Variants in USP34 observed in about 807,000 individuals in gnomAD.
The protein encoded by USP34 is ubiquitin specific peptidase 34, also known as ubiquitin carboxyl-terminal hydrolase 34.
A neutral mutation model predicts 460.3 loss-of-function variants in USP34; 70 were observed. The ratio of observed to expected loss-of-function variants is 0.15; its 90% CI spans 0.13 to 0.19. USP34 has a LOEUF of 0.19. USP34 is among the 10% of genes least tolerant of loss of function. The probability of loss-of-function intolerance (pLI) is 1.00; values close to 1 mark genes in which losing one functional copy is unlikely to be tolerated. For synonymous variants in USP34, 1,647 were observed against 1,405.3 expected (o/e 1.17, Z -3.85); for missense variants, 3,985 against 4,236.2 (o/e 0.94, Z 1.65).
chr2:61,468,765 A>C (rs77234474), intron 1 of USP34, among the ~76,000 whole-genome samples: 2,055 of 152,318 alleles, frequency 0.013, 20 homozygotes, highest in Non-Finnish European at 0.021. Context: ...AATGCACTGC[A>C]TTTTTCAGTG....
intron 1 of USP34, among the ~76,000 whole-genome samples, chr2:61,432,449 C>A (rs995650310): frequency 1.3e-5 from 2 of 152,088 alleles, no homozygotes; most frequent in Non-Finnish European, 2.9e-5. Flanking sequence ...TGCACTCCAG[C>A]CTGGGTGACA....
intron 3 of USP34, among the ~76,000 whole-genome samples, chr2:61,396,528 G>A (rs980791751): frequency 2.0e-5 from 3 of 148,984 alleles, no homozygotes; most frequent in East Asian, 2.0e-4. Context: ...TCGCACTGTC[G>A]CTCAGGCTGG....
chr2:61,259,494 C>G (rs1435029119), intron 44 of USP34, among the ~76,000 whole-genome samples: 1 of 151,608 alleles, frequency 6.6e-6, no homozygotes, highest in Admixed American at 6.6e-5. Context: ...CTCAAGCGAG[C>G]CTCCCTTTTC....
intron 22 of USP34, among the ~76,000 whole-genome samples, 179 bp from the exon 23 acceptor site, chr2:61,317,946 C>G (rs1690800862): frequency 6.6e-6 from 1 of 151,952 alleles, no homozygotes; most frequent in Non-Finnish European, 1.5e-5. Context: ...TGGCTCAGTA[C>G]TTTGGAAAGC....
At chr2:61,312,510 T>TA (rs35145394) in intron 25 of USP34, among the ~76,000 whole-genome samples, 5,508 of 135,332 alleles carry the variant, frequency 0.041, 175 homozygotes, top group Admixed American at 0.11. Flanking sequence ...TACCTGAGTT[T>TA]AAAAAAAAAA....
At chr2:61,192,632 T>C (rs765936600) in intron 76 of USP34, among the ~76,000 whole-genome samples, 17 of 152,238 alleles carry the variant, frequency 1.1e-4, no homozygotes, top group Non-Finnish European at 2.2e-4. Context: ...CCCACAACTG[T>C]TGATATACAT....
chr2:61,430,237 A>C (rs1558589807), intron 1 of USP34, among the ~76,000 whole-genome samples: 1 of 60,446 alleles, frequency 1.7e-5, no homozygotes, highest in East Asian at 4.6e-4. Context: ...AAAAGAAAAG[A>C]AAAAAAAAAT....
intron 10 of USP34, among the ~76,000 whole-genome samples, chr2:61,356,475 G>GCGCGCGCACACA (rs369666693): frequency 1.0e-4 from 13 of 128,426 alleles, no homozygotes; most frequent in African/African-American, 3.0e-4. Flanking sequence ...GGGTGAAAGC[G>GCGCGCGCACACA]CACACACACA....
chr2:61,423,452 C>T (rs761853896), intron 1 of USP34, among the ~76,000 whole-genome samples: 4 of 151,966 alleles, frequency 2.6e-5, no homozygotes, highest in Non-Finnish European at 5.9e-5. Context: ...AAAAAAAATC[C>T]ATTTGCATCA....
At chr2:61,415,119 A>C (rs545079314) in intron 2 of USP34, among the ~76,000 whole-genome samples, 1 of 152,274 alleles carries the variant, frequency 6.6e-6, no homozygotes, top group South Asian at 2.1e-4. Flanking sequence ...CTAGGAAGTC[A>C]GCGTGAATTG....
intron 33 of USP34, among the ~76,000 whole-genome samples, chr2:61,290,020 G>A (rs546972096): frequency 1.3e-5 from 2 of 152,142 alleles, no homozygotes; most frequent in Non-Finnish European, 2.9e-5. Context: ...TAATATTTAA[G>A]GGAAAAGACC....
chr2:61,398,543 C>T (rs1400683395), intron 3 of USP34, among the ~76,000 whole-genome samples: 2 of 50,578 alleles, frequency 4.0e-5, no homozygotes, highest in African/African-American at 8.3e-5. Flanking sequence ...GAGGCGGAAG[C>T]GGGGGAAGGA....
chr2:61,229,636 G>T lies in USP34; in HGVS notation c.7114-3C>A, dbSNP rs767815857. 10 of 1,609,970 alleles carry T rather than the reference G, an allele frequency of 6.2e-6. No homozygotes were observed. The Admixed American group carries it at 1.7e-4, about 27-fold the overall frequency. On this transcript the variant is annotated splice_polypyrimidine_tract_variant and splice_region_variant and intron_variant, in intron 58 of 79. Coordinates refer to ENST00000398571, the MANE Select transcript of USP34 (RefSeq NM_014709.4). ...TGGATACACAAACGCTGAAACATCT[G>T]TGAAGAAAGAAAAAGATCAAACAAG...
intron 15 of USP34, among the ~76,000 whole-genome samples, chr2:61,346,903 C>T (rs1362861621): frequency 2.0e-5 from 3 of 150,084 alleles, no homozygotes; most frequent in Admixed American, 6.7e-5. Context: ...TTTGGGAGGC[C>T]GAGGCGGGCA....
intron 3 of USP34, among the ~76,000 whole-genome samples, chr2:61,398,724 A>G (rs376097717): frequency 2.0e-5 from 3 of 152,210 alleles, no homozygotes; most frequent in African/African-American, 4.8e-5. Flanking sequence ...GCCATCACCT[A>G]TTTTAGATAT....
rs571254028 is a variant in USP34 at position 61,388,734 on chromosome 2, C to T, written c.754-5398G>A. Among the ~76,000 whole-genome samples, 7 of 150,084 alleles carry T rather than the reference C, an allele frequency of 4.7e-5. 1 individual carries two copies. The highest frequency in any genetic ancestry group is 6.8e-3 in the Middle Eastern group (2 of 292). On this transcript the variant is annotated intron_variant, in intron 5 of 79. Coordinates refer to ENST00000398571, the MANE Select transcript of USP34 (RefSeq NM_014709.4). ...TCACGCCACTGCACTCCAGCCTGGG[C>T]GACAGAGCAAGACTCCATCTCAGAA...
In USP34 at chr2:61,416,823, G is replaced by T. The variant is rs531037793; in HGVS notation, c.131+3923C>A. 235 of 379,114 alleles carry T rather than the reference G, an allele frequency of 6.2e-4. 6 individuals carry two copies. In the South Asian group the frequency reaches 0.015, roughly 24 times the overall value. 23.5% of individuals were successfully genotyped at this position (379,114 alleles called of 1,614,324 possible). A position where few individuals can be genotyped will look rare whatever the true frequency, so the allele number is the denominator to read the frequency against. On this transcript the variant is annotated intron_variant, in intron 2 of 79. Transcript: ENST00000398571. ...AACCTCCCTAATCTTTTTTTTTTTGGGGGGGGGGACAGGAAGTAGAATGTA... is the reference window on the plus strand; with the variant it reads ...AACCTCCCTAATCTTTTTTTTTTTGTGGGGGGGGACAGGAAGTAGAATGTA...
chr2:61,193,447 C>T (rs1346419041), intron 75 of USP34: 2 of 150,650 alleles, frequency 1.3e-5, no homozygotes, highest in African/African-American at 2.5e-5. Context: ...ATAGAATGAC[C>T]TTTGTGGTAC....
chr2:61,441,502 C>A (rs1694961628), intron 1 of USP34, among the ~76,000 whole-genome samples: 1 of 152,084 alleles, frequency 6.6e-6, no homozygotes, highest in African/African-American at 2.4e-5. Context: ...GAGCCCAGGG[C>A]CACACAGCTC....
Sources: allele counts gnomAD v4.1 joint callset (sites outside exome capture counted in the v4.1 genomes callset), GRCh38; gene constraint gnomAD v4.1.1; transcripts MANE v1.5; gene names NCBI Gene and HGNC (gene_info 2026-07-23, HGNC 2026-07-21).